CTNNA3: variants seen among roughly 807,000 people sequenced by gnomAD.
CTNNA3 encodes the protein catenin alpha-3.
CTNNA3 carries 76 observed loss-of-function variants against 95.7 expected under a neutral mutation model. The ratio of observed to expected loss-of-function variants is 0.79; its 90% confidence interval spans 0.66 to 0.96. CTNNA3 has a LOEUF of 0.96. Ranked by LOEUF, CTNNA3 falls within the 40% of genes least tolerant of loss-of-function variation. The probability of loss-of-function intolerance (pLI) is 0.00; values close to 1 mark genes in which losing one functional copy is unlikely to be tolerated. For missense variants in CTNNA3, 1,191 were observed against 1,089.8 expected (o/e 1.09, Z -1.31); for synonymous variants, 431 against 374.4 (o/e 1.15, Z -1.74).
intron 5 of CTNNA3, among the ~76,000 whole-genome samples, chr10:67,482,157 T>G (rs1467916014): frequency 4.0e-5 from 6 of 150,326 alleles, no homozygotes; most frequent in African/African-American, 1.2e-4. Context: ...TGTAGCCTTG[T>G]AGTATAGTTT....
At chr10:67,684,272 C>T (rs544954256) in intron 1 of CTNNA3, among the ~76,000 whole-genome samples, 5 of 152,264 alleles carry the variant, frequency 3.3e-5, no homozygotes. Flanking sequence ...GGTGCATTTA[C>T]AAACCTTTAG....
chr10:67,615,310 C>G (rs1037476243), intron 2 of CTNNA3, among the ~76,000 whole-genome samples: 19 of 152,356 alleles, frequency 1.2e-4, no homozygotes, highest in African/African-American at 4.6e-4. Context: ...CTGTGCCACA[C>G]AGATGGCATA....
intron 7 of CTNNA3, among the ~76,000 whole-genome samples, chr10:67,171,400 C>A (rs1862013123): frequency 6.6e-6 from 1 of 152,052 alleles, no homozygotes; most frequent in South Asian, 2.1e-4. Context: ...CATGGAGAAA[C>A]CCCGTTTCTA....
chr10:66,594,886 T>A (rs1248792230), intron 10 of CTNNA3, among the ~76,000 whole-genome samples: 1 of 152,130 alleles, frequency 6.6e-6, no homozygotes, highest in Non-Finnish European at 1.5e-5. Context: ...CATAATAATA[T>A]CTGCCATATA....
At chr10:66,270,521 G>T (rs1200465796) in intron 13 of CTNNA3, among the ~76,000 whole-genome samples, 1 of 152,076 alleles carries the variant, frequency 6.6e-6, no homozygotes, top group Non-Finnish European at 1.5e-5. Flanking sequence ...TTGTTTTAAA[G>T]GTCTGAATCT....
chr10:66,686,852 A>G (rs1028462785), intron 9 of CTNNA3, among the ~76,000 whole-genome samples: 4 of 152,190 alleles, frequency 2.6e-5, no homozygotes, highest in African/African-American at 9.7e-5. Flanking sequence ...ATGAAGAACA[A>G]ACCAATAAAT....
At chr10:66,709,431 T>A (rs1192757628) in intron 9 of CTNNA3, among the ~76,000 whole-genome samples, 1 of 152,020 alleles carries the variant, frequency 6.6e-6, no homozygotes, top group Admixed American at 6.6e-5. Context: ...AATGGAAGCA[T>A]AAAGGTCGTC....
chr10:66,232,199 T>G (rs2089622844), intron 13 of CTNNA3, among the ~76,000 whole-genome samples: 1 of 152,146 alleles, frequency 6.6e-6, no homozygotes, highest in Admixed American at 6.6e-5. Context: ...GCACCTAAAC[T>G]ATGGACCCAC....
chr10:67,752,335 G>C (rs1206467632), intron 1 of CTNNA3, among the ~76,000 whole-genome samples: 1 of 152,042 alleles, frequency 6.6e-6, no homozygotes, highest in Non-Finnish European at 1.5e-5. Context: ...AAAATATTAA[G>C]AGCCATTCCT....
intron 6 of CTNNA3, among the ~76,000 whole-genome samples, chr10:67,195,792 A>G (rs929178061): frequency 2.0e-5 from 3 of 152,094 alleles, no homozygotes; most frequent in Admixed American, 6.6e-5. Flanking sequence ...CACAAAATCA[A>G]TATTTTGGTT....
chr10:67,660,210 G>A (rs1315140205), intron 1 of CTNNA3, among the ~76,000 whole-genome samples: 2 of 152,068 alleles, frequency 1.3e-5, no homozygotes, highest in African/African-American at 4.8e-5. Context: ...AGTTTCTCCA[G>A]GAACACTAGC....
At chr10:67,214,401 C>T (rs1166979322) in intron 6 of CTNNA3, among the ~76,000 whole-genome samples, 1 of 151,672 alleles carries the variant, frequency 6.6e-6, no homozygotes, top group Non-Finnish European at 1.5e-5. Flanking sequence ...TATAAAGACC[C>T]TAGAACATTT....
intron 11 of CTNNA3, among the ~76,000 whole-genome samples, chr10:66,401,543 A>ACACACG (rs1341501814): frequency 6.6e-6 from 1 of 151,716 alleles, no homozygotes; most frequent in Non-Finnish European, 1.5e-5. Context: ...ACACACACAC[A>ACACACG]CACACACACA....
At chr10:67,420,713 T>G (rs1845716651) in intron 5 of CTNNA3, among the ~76,000 whole-genome samples, 1 of 152,204 alleles carries the variant, frequency 6.6e-6, no homozygotes, top group Non-Finnish European at 1.5e-5. Flanking sequence ...TTTCTTATTT[T>G]ATTGTTATTA....
At chr10:67,310,773 G>C (rs530453135) in intron 5 of CTNNA3, among the ~76,000 whole-genome samples, 103 of 152,234 alleles carry the variant, frequency 6.8e-4, no homozygotes, top group African/African-American at 2.4e-3. Context: ...AGAACAGCAT[G>C]AGGGTAACTG....
chr10:66,308,118 T>C (rs1488443771), intron 12 of CTNNA3, among the ~76,000 whole-genome samples: 1 of 152,212 alleles, frequency 6.6e-6, no homozygotes, highest in Non-Finnish European at 1.5e-5. Context: ...AACATTTTGC[T>C]ATAACCCTGC....
chr10:67,092,164 A>G (rs1180791790), intron 7 of CTNNA3, among the ~76,000 whole-genome samples: 1 of 152,008 alleles, frequency 6.6e-6, no homozygotes, highest in African/African-American at 2.4e-5. Flanking sequence ...ATCAAAAATG[A>G]TATTTACAAA....
chr10:66,309,887 G>C (rs955790211), intron 12 of CTNNA3, among the ~76,000 whole-genome samples: 2 of 147,930 alleles, frequency 1.4e-5, no homozygotes, highest in African/African-American at 5.0e-5. Context: ...GTGAAACCCC[G>C]TCTCTACCAA....
intron 2 of CTNNA3, among the ~76,000 whole-genome samples, chr10:67,624,318 C>G (rs1843952292): frequency 6.6e-6 from 1 of 152,168 alleles, no homozygotes; most frequent in Non-Finnish European, 1.5e-5. Flanking sequence ...CACACCTGGA[C>G]AGACGTTTGT....
Sources: allele counts gnomAD v4.1 joint callset (sites outside exome capture counted in the v4.1 genomes callset), GRCh38; gene constraint gnomAD v4.1.1; transcripts MANE v1.5; gene names NCBI Gene and HGNC (gene_info 2026-07-23, HGNC 2026-07-21).